PGAP4: variants seen among roughly 807,000 people sequenced by gnomAD.
PGAP4 encodes GPI-N-acetylgalactosamine transferase PGAP4.
Under a neutral mutation model 28.2 loss-of-function variants are expected in PGAP4, and 12 were observed. The ratio of observed to expected loss-of-function variants is 0.42; its 90% confidence interval spans 0.27 to 0.69. The LOEUF is 0.69. PGAP4 is among the 30% of genes least tolerant of loss of function. The pLI, the probability that PGAP4 is intolerant of heterozygous loss-of-function variation, is 0.22. For synonymous variants in PGAP4, 205 were observed against 211.8 expected, an observed-to-expected ratio of 0.97 and a Z score of 0.28; for missense variants, 425 against 513.5, an observed-to-expected ratio of 0.83 and a Z score of 1.67.
chr9:101,523,231 T>C (rs975050118), intron 2 of PGAP4, among the ~76,000 whole-genome samples: 3 of 152,186 alleles, frequency 2.0e-5, no homozygotes, highest in Non-Finnish European at 2.9e-5. Flanking sequence ...TTGTGCTTCT[T>C]GTGTTTGGAT....
upstream of PGAP4, among the ~76,000 whole-genome samples, chr9:101,490,026 T>C (rs1826672304): frequency 6.6e-6 from 1 of 152,142 alleles, no homozygotes; most frequent in Non-Finnish European, 1.5e-5. Context: ...TCCCTACTTC[T>C]ATGGTTGGTC....
At chr9:101,494,902 T>C (rs1460974757) in intron 2 of PGAP4, among the ~76,000 whole-genome samples, 1 of 150,784 alleles carries the variant, frequency 6.6e-6, no homozygotes, top group Non-Finnish European at 1.5e-5. Context: ...ATTTTATATA[T>C]TTTTTCAATT....
chr9:101,524,879 C>T (rs1207934615), intron 2 of PGAP4, among the ~76,000 whole-genome samples: 14 of 152,170 alleles, frequency 9.2e-5, no homozygotes, highest in Non-Finnish European at 4.4e-5. Context: ...TGGGTCCTCT[C>T]GGGATTGCTG....
At chr9:101,487,631 T>C (rs540227907), upstream of PGAP4, among the ~76,000 whole-genome samples, 4 of 152,304 alleles carry the variant, frequency 2.6e-5, no homozygotes, top group Non-Finnish European at 5.9e-5. Context: ...CCCTTCTGAA[T>C]GGGTTTTCAG....
chr9:101,497,257 A>T (rs1431506159), intron 2 of PGAP4, among the ~76,000 whole-genome samples: 2 of 151,498 alleles, frequency 1.3e-5, no homozygotes, highest in Admixed American at 1.3e-4. Flanking sequence ...TTTAATTTTA[A>T]CAGTTTACCT....
intron 1 of PGAP4, among the ~76,000 whole-genome samples, chr9:101,481,170 C>G (rs1350582870): frequency 1.3e-5 from 2 of 152,072 alleles, no homozygotes; most frequent in African/African-American, 4.8e-5. Context: ...AGAGAAAAAC[C>G]CTGTCTCAAA....
intron 2 of PGAP4, among the ~76,000 whole-genome samples, chr9:101,514,135 T>A (rs1487997199): frequency 6.6e-6 from 1 of 152,080 alleles, no homozygotes; most frequent in Admixed American, 6.6e-5. Flanking sequence ...CCCTCACAGA[T>A]AGCCAGAGGT....
At chr9:101,516,374 T>A (rs554222554) in intron 2 of PGAP4, among the ~76,000 whole-genome samples, 2 of 152,336 alleles carry the variant, frequency 1.3e-5, no homozygotes, top group East Asian at 3.9e-4. Flanking sequence ...ACCAGATAGT[T>A]TAACATTAAT....
intron 1 of PGAP4, among the ~76,000 whole-genome samples, chr9:101,484,211 A>T (rs1026713377): frequency 6.6e-6 from 1 of 152,012 alleles, no homozygotes; most frequent in Non-Finnish European, 1.5e-5. Flanking sequence ...GCAGAGGAAC[A>T]AAGGGAGAAA....
Position 101,503,548 on chromosome 9 carries a change from G to T in PGAP4, c.-164-14348C>A, listed in dbSNP as rs1043280855. On this transcript the variant is annotated intron_variant, in intron 2 of 3. Coordinates refer to the PGAP4 transcript ENST00000374851. ...TTTTATATGATTATTGTTATGCATA[G>T]ATAATAATAATTACATTCTCTACCA... 2.0e-5 allele frequency among the ~76,000 whole-genome samples: 3 copies of T among 151,914 alleles called. No individual in the cohort carries two copies. In the East Asian group the frequency reaches 5.8e-4, roughly 29 times the overall value.
At chr9:101,508,469 A>G (rs1198007276) in intron 2 of PGAP4, among the ~76,000 whole-genome samples, 3 of 152,142 alleles carry the variant, frequency 2.0e-5, no homozygotes, top group African/African-American at 7.2e-5. Flanking sequence ...TGCTATCATA[A>G]CAAAGAGGCT....
intron 1 of PGAP4, among the ~76,000 whole-genome samples, chr9:101,483,298 G>C (rs1826537317): frequency 6.6e-6 from 1 of 152,190 alleles, no homozygotes; most frequent in African/African-American, 2.4e-5. Flanking sequence ...ATACTGTGTA[G>C]AGATCGACTT....
At chr9:101,481,091 T>G (rs1375919250) in intron 1 of PGAP4, among the ~76,000 whole-genome samples, 1 of 152,282 alleles carries the variant, frequency 6.6e-6, no homozygotes, top group East Asian at 1.9e-4. Context: ...GCAGGAGGAT[T>G]GCCTGAGCCC....
intron 2 of PGAP4, chr9:101,531,173 C>G (rs1003059208): frequency 6.6e-6 from 1 of 150,638 alleles, no homozygotes; most frequent in African/African-American, 2.5e-5. Context: ...ATGTCCCTCT[C>G]TCTCTTTCTC....
At chr9:101,488,076 A>G (rs1009032305), upstream of PGAP4, among the ~76,000 whole-genome samples, 12 of 152,160 alleles carry the variant, frequency 7.9e-5, no homozygotes, top group African/African-American at 2.9e-4. Context: ...TTGATACTAG[A>G]TATTAACTTC....
intron 2 of PGAP4, among the ~76,000 whole-genome samples, chr9:101,496,020 A>G (rs993321490): frequency 2.5e-4 from 38 of 151,512 alleles, no homozygotes; most frequent in African/African-American, 9.2e-4. Flanking sequence ...AGAGGAATGT[A>G]AACAGGAAAA....
chr9:101,522,922 A>G (rs1242264032), intron 2 of PGAP4, among the ~76,000 whole-genome samples: 1 of 152,144 alleles, frequency 6.6e-6, no homozygotes, highest in Non-Finnish European at 1.5e-5. Context: ...GTGGCTTGGT[A>G]ATGGCAAATT....
chr9:101,527,450 C>G (rs995626871), intron 2 of PGAP4, among the ~76,000 whole-genome samples: 1 of 152,008 alleles, frequency 6.6e-6, no homozygotes, highest in African/African-American at 2.4e-5. Context: ...AACTGATATA[C>G]TATATCAGTT....
chr9:101,474,295 A>G lies in PGAP4; in HGVS notation c.*1586T>C, dbSNP rs1191218788. 1 of 152,206 alleles carries G rather than the reference A, an allele frequency of 6.6e-6. No individual in the cohort carries two copies. The highest frequency in any genetic ancestry group is 1.5e-5 in the Non-Finnish European group (1 of 68,042). 9.4% of individuals were successfully genotyped at this position (152,206 alleles called of 1,614,324 possible). On this transcript the variant is annotated 3_prime_UTR_variant, in exon 2 of 2. Transcript: ENST00000374848. ...CCTTCTGTGTTGAGTGGGTCTCAAG[A>G]TGGAAGCTCACTATGGGAATTTAAA... is the stretch of plus-strand genomic sequence containing the variant.
Sources: allele counts gnomAD v4.1 joint callset (sites outside exome capture counted in the v4.1 genomes callset), GRCh38; gene constraint gnomAD v4.1.1; transcripts MANE v1.5; gene names NCBI Gene and HGNC (gene_info 2026-07-23, HGNC 2026-07-21).